The following RNPS1 variants were observed in gnomAD, a reference collection of about 807,000 sequenced individuals.
RNPS1 encodes RNA-binding protein with serine-rich domain 1.
For missense variants in RNPS1, 300 were observed against 427.6 expected (o/e 0.70, Z 2.63); for synonymous variants, 147 against 150.0 (o/e 0.98, Z 0.15).
At chr16:2,266,279 C>T (rs1268171046) in intron 1 of RNPS1, 8 of 985,314 alleles carry the variant, frequency 8.1e-6, no homozygotes, top group East Asian at 1.1e-4. Context: ...GAGGGCCGAA[C>T]GCCACCTTTG....
chr16:2,258,263 G>C (rs1256298094), intron 6 of RNPS1: 1 of 152,186 alleles, frequency 6.6e-6, no homozygotes, highest in East Asian at 1.9e-4. Context: ...TTCTATGTAA[G>C]AAAACTGAAT....
chr16:2,262,806 T>C lies in RNPS1; in HGVS notation c.456A>G (p.Lys152=). 1 of 1,614,048 alleles carries C rather than the reference T, an allele frequency of 6.2e-7. No homozygotes were observed. The highest frequency in any genetic ancestry group is 8.5e-7 in the Non-Finnish European group (1 of 1,180,020). ...TGGGCTTAGGAGATGGGCTCCGCCT[T>C]TTCCTCTCCTTTTCATCTCTTTTAG... The part of the protein sequence containing the change: ...KPPKRDEKER[K]RRSPSPKPTK... The change falls in exon 5 of 8, where the codon AAA becomes AAG. Residue 152 remains lysine (K), a synonymous_variant. Transcript: ENST00000320225.
chr16:2,267,249 G>A (rs1308366338), intron 1 of RNPS1: 2 of 985,322 alleles, frequency 2.0e-6, no homozygotes, highest in African/African-American at 1.7e-5. Context: ...AACAGCCAGA[G>A]AGAGGAGAGA....
chr16:2,256,740 C>G (rs1333923175), intron 6 of RNPS1: 1 of 152,348 alleles, frequency 6.6e-6, no homozygotes, highest in Non-Finnish European at 1.5e-5. Context: ...ACCATGCAGG[C>G]AGTATCCGCG....
chr16:2,262,475 G>T, intron 5 of RNPS1, 44 bp from the exon 6 acceptor site: 2 of 1,608,372 alleles, frequency 1.2e-6, no homozygotes, highest in South Asian at 2.2e-5. Context: ...CTACCAGTCA[G>T]TCACGTCAGA....
Position 2,263,182 on chromosome 16 carries a change from G to A in RNPS1, c.333C>T (p.Thr111=). The change falls in exon 4 of 8, where the codon ACC becomes ACT. Residue 111 remains threonine, a synonymous_variant. Transcript: ENST00000320225. The part of the protein sequence containing the change: ...SASSRSGSSS[T]SRSSSSSSSS... ...AGCTGCTAGAGCTGGAGCTGCGGGA[G>A]GTGCTGGAGCTTCCTGAGCGGCTGG... 1 of 1,613,940 alleles carries A rather than the reference G, an allele frequency of 6.2e-7. No individual in the cohort carries two copies. Among genetic ancestry groups the A allele is most frequent in the South Asian group, 1.1e-5 (1 of 91,076 alleles).
At chr16:2,256,121 G>T in intron 6 of RNPS1, 2 of 183,548 alleles carry the variant, frequency 1.1e-5, no homozygotes, top group East Asian at 1.7e-4. Context: ...GCGAAACTCC[G>T]TCTCAAAAAA....
chr16:2,267,385 C>T (rs2093629094), intron 1 of RNPS1: 5 of 984,324 alleles, frequency 5.1e-6, no homozygotes, highest in African/African-American at 1.7e-5. Context: ...CCACGTTTCT[C>T]CTCCAACAAA....
intron 2 of RNPS1, 89 bp from the exon 3 acceptor site, chr16:2,264,420 G>A: frequency 6.3e-7 from 1 of 1,588,256 alleles, no homozygotes; most frequent in Non-Finnish European, 8.6e-7. Context: ...CATCAGCAGG[G>A]CCACAGAGAC....
rs1422975410 is a variant in RNPS1, at chr16:2,255,232, C to T, written c.818+353G>A. Among the ~76,000 whole-genome samples, 4 of 152,366 alleles carry T rather than the reference C, an allele frequency of 2.6e-5. No individual in the cohort carries two copies. In the East Asian group the frequency reaches 5.8e-4, roughly 22 times the overall value. ...GCCTCTGCCGAGGGATTACCACCCC[C>T]GCCCCACAACTCTTCTGACCCCCAA... On this transcript the variant is annotated intron_variant, in intron 7 of 7. Transcript: ENST00000320225.
At chr16:2,259,621 G>A (rs2093593916) in intron 6 of RNPS1, among the ~76,000 whole-genome samples, 2 of 152,348 alleles carry the variant, frequency 1.3e-5, no homozygotes. Context: ...CGGGTGCAGT[G>A]GCTCACGCCT....
At chr16:2,260,185 T>C (rs938472149) in intron 6 of RNPS1, among the ~76,000 whole-genome samples, 2 of 133,864 alleles carry the variant, frequency 1.5e-5, no homozygotes, top group South Asian at 2.7e-4. Flanking sequence ...AGACCTAGTC[T>C]CACTTTGTTG....
chr16:2,268,001 G>A (rs1392557930), intron 1 of RNPS1, 54 bp downstream of exon 1: 42 of 1,533,350 alleles, frequency 2.7e-5, no homozygotes, highest in Middle Eastern at 4.5e-4. Context: ...GTCCTGCCGG[G>A]CCTGCCGGGC....
rs780488902 is a variant in RNPS1 at position 2,253,813 on chromosome 16, G to A, written c.*151C>T. The A allele has an allele frequency of 2.7e-5, 20 of 743,658 alleles. No homozygotes were observed. The highest frequency in any genetic ancestry group is 1.2e-4 in the Admixed American group (6 of 49,884). 46.1% of individuals were successfully genotyped at this position (743,658 alleles called of 1,614,324 possible). A position where few individuals can be genotyped will look rare whatever the true frequency, so the allele number is the denominator to read the frequency against. On this transcript the variant is annotated 3_prime_UTR_variant, in exon 8 of 8. Coordinates refer to ENST00000320225, the MANE Select transcript of RNPS1 (RefSeq NM_080594.4). The stretch of plus-strand genomic sequence containing the variant: ...AAACCAACAGCACTTCTGCAGCCGG[G>A]GCCCGGCTGGCAGAGGGGTGCTGCC...
intron 6 of RNPS1, chr16:2,255,943 T>C (rs537522710): frequency 1.1e-4 from 58 of 545,462 alleles, no homozygotes; most frequent in Non-Finnish European, 1.7e-4. Context: ...CTGGCTAACA[T>C]GGTGAAAATG....
Position 2,263,303 on chromosome 16 carries a change from G to A in RNPS1, c.228-16C>T, listed in dbSNP as rs201284793. ...GGACCGAGACCTGAGGGCAAGATGA[G>A]GGGTCACAACCACCACACACCAAGT... On this transcript the variant is annotated splice_polypyrimidine_tract_variant and intron_variant, in intron 3 of 7. Transcript: ENST00000320225. 1 of 1,613,590 alleles carries A rather than the reference G, an allele frequency of 6.2e-7. No homozygotes were observed. Among genetic ancestry groups the A allele is most frequent in the Non-Finnish European group, 8.5e-7 (1 of 1,179,756 alleles).
chr16:2,264,310 G>C lies in RNPS1; in HGVS notation c.93C>G (p.Arg31=), dbSNP rs149925980. 6 of 1,614,026 alleles carry C rather than the reference G, an allele frequency of 3.7e-6. No homozygotes were observed. In the African/African-American group the frequency reaches 8.0e-5, roughly 22 times the overall value. ...TGGACTTCTCATCTGAGCGGTCTTT[G>C]CGTTTGGTAGGTGAAGGAGCCCTGG... ...SSTRAPSPTK[R]KDRSDEKSKD... Residue 31 remains arginine (R), a synonymous_variant, in exon 3 of 8, where the codon CGC becomes CGG. Coordinates refer to ENST00000320225, the MANE Select transcript of RNPS1 (RefSeq NM_080594.4).
chr16:2,257,639 G>A (rs1385765281), intron 6 of RNPS1: 3 of 152,112 alleles, frequency 2.0e-5, no homozygotes, highest in Non-Finnish European at 4.4e-5. Context: ...CAAGCACTCA[G>A]ACTGTCAAAC....
chr16:2,259,930 C>A (rs1409077580), intron 6 of RNPS1, among the ~76,000 whole-genome samples: 1 of 152,132 alleles, frequency 6.6e-6, no homozygotes, highest in African/African-American at 2.4e-5. Flanking sequence ...TCAAGCAGGG[C>A]AGAAATTAAC....
Sources: allele counts gnomAD v4.1 joint callset (sites outside exome capture counted in the v4.1 genomes callset), GRCh38; gene constraint gnomAD v4.1.1; transcripts MANE v1.5; gene names NCBI Gene and HGNC (gene_info 2026-07-23, HGNC 2026-07-21).